The following HSPA1L variants were observed in gnomAD, a reference collection of about 807,000 sequenced individuals.
HSPA1L encodes heat shock protein family A (Hsp70) member 1 like.
In HSPA1L, 21 loss-of-function variants were observed where a neutral mutation model predicts 31.5. That is an observed-to-expected ratio of 0.67 (90% confidence interval 0.47 to 0.96). HSPA1L has a LOEUF of 0.96. HSPA1L is among the 40% of genes least tolerant of loss of function. The pLI, the probability that HSPA1L is intolerant of heterozygous loss-of-function variation, is 0.00. For missense variants in HSPA1L, 709 were observed against 813.4 expected (o/e 0.87, Z 1.56); for synonymous variants, 293 against 323.1 (o/e 0.91, Z 1.00).
chr6:31,811,776 T>C lies in HSPA1L; in HGVS notation c.197A>G (p.Gln66Arg), dbSNP rs1295575618. The C allele has an allele frequency of 6.2e-7, 1 of 1,614,204 alleles. No homozygotes were observed. Among genetic ancestry groups the C allele is most frequent in the South Asian group, 1.1e-5 (1 of 91,086 alleles). ...AAKNQVAMNP[Q>R]NTVFDAKRLI... Reference sequence around the variant, plus strand: ...ACGTTTAGCATCAAAAACAGTGTTCTGGGGATTCATTGCTACCTGGTTCTT... The same window carrying C: ...ACGTTTAGCATCAAAAACAGTGTTCCGGGGATTCATTGCTACCTGGTTCTT... Residue 66 changes from glutamine to arginine, a missense_variant, in exon 2 of 2, where the codon CAG becomes CGG. Coordinates refer to ENST00000375654, the MANE Select transcript of HSPA1L (RefSeq NM_005527.4).
chr6:31,814,948 G>T lies in HSPA1L; in HGVS notation c.-73C>A, dbSNP rs1029328055. On this transcript the variant is annotated 5_prime_UTR_variant, in exon 1 of 2. It introduces an in-frame stop codon into an upstream open reading frame of the 5' UTR. Transcript: ENST00000375654. Reference sequence around the variant, plus strand: ...CGTCCAGATTACGCAGCCCCAGCGAGTAGGTGGGGGCTCCCTCAATATCAA... The same window carrying T: ...CGTCCAGATTACGCAGCCCCAGCGATTAGGTGGGGGCTCCCTCAATATCAA... The T allele has an allele frequency of 1.0e-6, 1 of 985,530 alleles. No individual in the cohort carries two copies. The highest frequency in any genetic ancestry group is 1.2e-6 in the Non-Finnish European group (1 of 830,154). The allele number at this position is 985,530 out of a possible 1,614,324, so 61.0% of individuals were successfully genotyped here.
chr6:31,811,370 A>C lies in HSPA1L; in HGVS notation c.603T>G (p.Asp201Glu). 1 of 1,614,220 alleles carries C rather than the reference A, an allele frequency of 6.2e-7. No individual in the cohort carries two copies. The highest frequency in any genetic ancestry group is 8.5e-7 in the Non-Finnish European group (1 of 1,180,052). ...GQGERHVLIF[D>E]LGGGTFDVSI... is the part of the protein sequence containing the mutation. The stretch of plus-strand genomic sequence containing the variant: ...ACACATCAAATGTGCCTCCACCCAG[A>C]TCAAAAATCAGGACATGTCGTTCTC... The change falls in exon 2 of 2, where the codon GAT becomes GAG. Residue 201 changes from aspartate to glutamate, a missense_variant. Physicochemically the swap from Asp to Glu is conservative, Grantham distance 45. Transcript: ENST00000375654.
Position 31,810,040 on chromosome 6 carries a change from A to C in HSPA1L, c.*7T>G. On this transcript the variant is annotated 3_prime_UTR_variant, in exon 2 of 2. Coordinates refer to ENST00000375654, the MANE Select transcript of HSPA1L (RefSeq NM_005527.4). The stretch of plus-strand genomic sequence containing the variant: ...GGCATCCTAGGATGCTTCAGTTCTA[A>C]AAAGAATTAATCTACTTCTTCAATT... 1 of 1,413,256 alleles carries C rather than the reference A, an allele frequency of 7.1e-7. No homozygotes were observed. Among genetic ancestry groups the C allele is most frequent in the Non-Finnish European group, 9.2e-7 (1 of 1,082,000 alleles). The allele number at this position is 1,413,256 out of a possible 1,614,324, so 87.5% of individuals were successfully genotyped here.
Position 31,814,983 on chromosome 6 carries a change from C to G in HSPA1L, c.-108G>C, listed in dbSNP as rs1252103744. The stretch of plus-strand genomic sequence containing the variant: ...GCTCCCTCAATATCAAACTGCACAA[C>G]CGGGGTCCCCCCACCCCCCACCCCG... On this transcript the variant is annotated 5_prime_UTR_variant, in exon 1 of 2. Transcript: ENST00000375654. 2.1e-6 allele frequency: 2 copies of G among 973,550 alleles called. No individual in the cohort carries two copies. Among genetic ancestry groups the G allele is most frequent in the African/African-American group, 3.5e-5 (2 of 56,814 alleles). The allele number at this position is 973,550 out of a possible 1,614,324, so 60.3% of individuals were successfully genotyped here. A position where few individuals can be genotyped will look rare whatever the true frequency, so the allele number is the denominator to read the frequency against.
chr6:31,812,906 T>G (rs570199502), intron 1 of HSPA1L, among the ~76,000 whole-genome samples: 1 of 152,116 alleles, frequency 6.6e-6, no homozygotes, highest in Admixed American at 6.5e-5. Context: ...ACTGCAGTCT[T>G]GACCTCCCAG....
In HSPA1L at chr6:31,810,372, T is replaced by C. The variant is rs1403657550; in HGVS notation, c.1601A>G (p.Gln534Arg). The change falls in exon 2 of 2, where the codon CAG becomes CGG. Residue 534 changes from glutamine (Q) to arginine (R), a missense_variant. Coordinates refer to ENST00000375654, the MANE Select transcript of HSPA1L (RefSeq NM_005527.4). ...AEKYKAEDEV[Q>R]REKIAAKNAL... ...ATTCTTTGCAGCAATTTTCTCCCTC[T>C]GGACCTCATCTTCAGCTTTATATTT... 2 of 1,611,066 alleles carry C rather than the reference T, an allele frequency of 1.2e-6. No individual in the cohort carries two copies. The highest frequency in any genetic ancestry group is 2.2e-5 in the East Asian group (1 of 44,888).
In HSPA1L at chr6:31,810,875, G is replaced by T; in HGVS notation, c.1098C>A (p.Asn366Lys). Residue 366 changes from asparagine (N) to lysine (K), a missense_variant, in exon 2 of 2, where the codon AAC (asparagine) becomes AAA (lysine). By Grantham distance (94) the Asn-to-Lys change is moderately conservative. Transcript: ENST00000375654. Reference protein sequence around the residue: ...FNGRDLNKSINPDEAVAYGAA... With the variant: ...FNGRDLNKSIKPDEAVAYGAA... ...CCCCATATGCTACGGCCTCATCAGG[G>T]TTGATGCTCTTGTTGAGATCACGTC... 6.2e-7 allele frequency: 1 copy of T among 1,614,168 alleles called. No individual in the cohort carries two copies. Among genetic ancestry groups the T allele is most frequent in the African/African-American group, 1.3e-5 (1 of 75,032 alleles).
chr6:31,811,303 T>A lies in HSPA1L; in HGVS notation c.670A>T (p.Thr224Ser), dbSNP rs752264409. Residue 224 changes from threonine (T) to serine (S), a missense_variant, in exon 2 of 2, where the codon ACT becomes TCT. Thr to Ser is a moderately conservative substitution (Grantham distance 58). Transcript: ENST00000375654. ...CCACCCAGGTGAGTGTCCCCAGCAG[T>A]GGCCTTTACCTCAAAAATCCCATCA... ...IDDGIFEVKA[T>S]AGDTHLGGED... is the part of the protein sequence containing the mutation. 6.2e-7 allele frequency: 1 copy of A among 1,614,194 alleles called. No homozygotes were observed. Among genetic ancestry groups the A allele is most frequent in the South Asian group, 1.1e-5 (1 of 91,086 alleles).
rs1222556997 is a variant in HSPA1L, at chr6:31,811,346, C to T, written c.627G>A (p.Val209=). ...TCCCATCATCTATGGTCAGAATTGA[C>T]ACATCAAATGTGCCTCCACCCAGAT... ...IFDLGGGTFD[V]SILTIDDGIF... is the part of the protein sequence containing the mutation. The change falls in exon 2 of 2, where the codon GTG becomes GTA. Residue 209 remains valine, a synonymous_variant. Coordinates refer to ENST00000375654, the MANE Select transcript of HSPA1L (RefSeq NM_005527.4). 6.2e-7 allele frequency: 1 copy of T among 1,614,190 alleles called. No homozygotes were observed. Among genetic ancestry groups the T allele is most frequent in the Admixed American group, 1.7e-5 (1 of 60,028 alleles).
intron 1 of HSPA1L, among the ~76,000 whole-genome samples, chr6:31,812,479 C>T (rs1410967892): frequency 6.6e-6 from 1 of 151,928 alleles, no homozygotes; most frequent in Non-Finnish European, 1.5e-5. Context: ...AGCTCTCTGC[C>T]TGGCTAATGT....
chr6:31,814,155 T>C (rs1306406054), intron 1 of HSPA1L, among the ~76,000 whole-genome samples: 1 of 152,160 alleles, frequency 6.6e-6, no homozygotes, highest in Admixed American at 6.5e-5. Flanking sequence ...ACGCCTGTAA[T>C]CCCAGCACTT....
At chr6:31,813,465 CA>C (rs1815580716) in intron 1 of HSPA1L, among the ~76,000 whole-genome samples, 1 of 152,136 alleles carries the variant, frequency 6.6e-6, no homozygotes, top group South Asian at 2.1e-4. Context: ...CTGCCACGCC[CA>C]GATAATTTTT....
chr6:31,810,180 C>T lies in HSPA1L; in HGVS notation c.1793G>A (p.Arg598Lys). The T allele has an allele frequency of 2.6e-6, 4 of 1,527,736 alleles. No individual in the cohort carries two copies. Among genetic ancestry groups the T allele is most frequent in the Non-Finnish European group, 3.5e-6 (4 of 1,143,008 alleles). 94.6% of individuals were successfully genotyped at this position (1,527,736 alleles called of 1,614,324 possible). A position where few individuals can be genotyped will look rare whatever the true frequency, so the allele number is the denominator to read the frequency against. Reference sequence around the variant, plus strand: ...GTTACACATCTGCTCCAATTCCTTTCTCTTATGATCAAACTCATCTTTCTC... The same window carrying T: ...GTTACACATCTGCTCCAATTCCTTTTTCTTATGATCAAACTCATCTTTCTC... ...LAEKDEFDHK[R>K]KELEQMCNPI... The change falls in exon 2 of 2, where the codon AGA becomes AAA. Residue 598 changes from arginine to lysine, a missense_variant. By Grantham distance (26) the Arg-to-Lys change is conservative. Coordinates refer to ENST00000375654, the MANE Select transcript of HSPA1L (RefSeq NM_005527.4).
rs906451032 is a variant in HSPA1L at position 31,809,891 on chromosome 6, G to A, written c.*156C>T. 5 of 513,092 alleles carry A rather than the reference G, an allele frequency of 9.7e-6. No homozygotes were observed. Among genetic ancestry groups the A allele is most frequent in the Non-Finnish European group, 1.6e-5 (5 of 314,820 alleles). 31.8% of individuals were successfully genotyped at this position (513,092 alleles called of 1,614,324 possible). On this transcript the variant is annotated 3_prime_UTR_variant, in exon 2 of 2. Coordinates refer to ENST00000375654, the MANE Select transcript of HSPA1L (RefSeq NM_005527.4). ...TTCCAAAGTCAGAAACAGGATGTGA[G>A]GGAGTGTGATAGGTGGTGCATGAGA...
rs1047670017 is a variant in HSPA1L at position 31,813,198 on chromosome 6, G to C, written c.-13-1213C>G. Reference sequence around the variant, plus strand: ...GGAATTATACAGTATTTATCCTTTTGTGACTTTGCTTATGTCACTTAGCTT... The same window carrying C: ...GGAATTATACAGTATTTATCCTTTTCTGACTTTGCTTATGTCACTTAGCTT... On this transcript the variant is annotated intron_variant, in intron 1 of 1. Transcript: ENST00000375654. Among the ~76,000 whole-genome samples, 13 of 152,142 alleles carry C rather than the reference G, an allele frequency of 8.5e-5. 1 individual carries two copies. The East Asian group carries it at 1.3e-3, about 16-fold the overall frequency.
Position 31,810,386 on chromosome 6 carries a change from A to G in HSPA1L, c.1587T>C (p.Ala529=), listed in dbSNP as rs1053132126. 7.4e-6 allele frequency: 12 copies of G among 1,611,644 alleles called. No homozygotes were observed. In the East Asian group the frequency reaches 2.7e-4, roughly 36 times the overall value. The stretch of plus-strand genomic sequence containing the variant: ...TTTTCTCCCTCTGGACCTCATCTTC[A>G]GCTTTATATTTCTCAGCATCCAGAA... The part of the protein sequence containing the change: ...RMVLDAEKYK[A]EDEVQREKIA... The change falls in exon 2 of 2, where the codon GCT becomes GCC. Residue 529 remains alanine (A), a synonymous_variant. Coordinates refer to ENST00000375654, the MANE Select transcript of HSPA1L (RefSeq NM_005527.4).
intron 1 of HSPA1L, 136 bp from the exon 2 acceptor site, chr6:31,812,121 T>G: frequency 9.0e-7 from 1 of 1,112,544 alleles, no homozygotes; most frequent in South Asian, 1.7e-5. Context: ...TTTGATCTCC[T>G]AGGCTCCAGC....
Position 31,814,984 on chromosome 6 carries a change from CG to C in HSPA1L, c.-110del. 1.0e-6 allele frequency: 1 copy of C among 976,458 alleles called. No homozygotes were observed. Among genetic ancestry groups the C allele is most frequent in the Non-Finnish European group, 1.2e-6 (1 of 822,254 alleles). The allele number at this position is 976,458 out of a possible 1,614,324, so 60.5% of individuals were successfully genotyped here. A position where few individuals can be genotyped will look rare whatever the true frequency, so the allele number is the denominator to read the frequency against. On this transcript the variant is annotated 5_prime_UTR_variant, in exon 1 of 2. It introduces an in-frame stop codon into an upstream open reading frame of the 5' UTR. Coordinates refer to ENST00000375654, the MANE Select transcript of HSPA1L (RefSeq NM_005527.4). ...CTCCCTCAATATCAAACTGCACAAC[CG>C]GGGTCCCCCCACCCCCCACCCCGTC...
In HSPA1L at chr6:31,809,912, T is replaced by C; in HGVS notation, c.*135A>G. On this transcript the variant is annotated 3_prime_UTR_variant, in exon 2 of 2. Transcript: ENST00000375654. ...GTGAGGGAGTGTGATAGGTGGTGCA[T>C]GAGACTCCTTCTCCAGAATTTCCAA... 1.5e-6 allele frequency: 1 copy of C among 682,576 alleles called. No individual in the cohort carries two copies. The highest frequency in any genetic ancestry group is 2.2e-6 in the Non-Finnish European group (1 of 456,898). The allele number at this position is 682,576 out of a possible 1,614,324, so 42.3% of individuals were successfully genotyped here.
Sources: allele counts gnomAD v4.1 joint callset (sites outside exome capture counted in the v4.1 genomes callset), GRCh38; gene constraint gnomAD v4.1.1; transcripts MANE v1.5; gene names NCBI Gene and HGNC (gene_info 2026-07-23, HGNC 2026-07-21).